The following FABP6 variants were observed in gnomAD, a reference collection of about 807,000 sequenced individuals.
FABP6 encodes the protein gastrotropin.
FABP6 carries 13 observed loss-of-function variants against 14.9 expected under a neutral mutation model. The ratio of observed to expected loss-of-function variants is 0.87; its 90% confidence interval spans 0.57 to 1.39. The LOEUF (loss-of-function observed/expected upper bound fraction) is 1.39. Ranked by LOEUF, FABP6 falls within the 40% of genes most tolerant of loss-of-function variation. The pLI, the probability that FABP6 is intolerant of heterozygous loss-of-function variation, is 0.00. For missense variants in FABP6, 161 were observed against 167.2 expected (o/e 0.96, Z 0.20); for synonymous variants, 75 against 63.6 (o/e 1.18, Z -0.85).
At chr5:160,191,082 T>G (rs1328743437) in intron 1 of FABP6, among the ~76,000 whole-genome samples, 14 of 104,520 alleles carry the variant, frequency 1.3e-4, no homozygotes, top group Non-Finnish European at 2.2e-4. Context: ...AGAGCAAGAC[T>G]CCATCTGGAA....
At position 160,231,978 on chromosome 5, in the gene FABP6, C is replaced by A. The variant is rs1316942440; in HGVS notation, c.68-120C>A. ...TCTCAGGCACTGTGCTCTTAACCTG[C>A]AGGCTAGCCTATCATGCACAAGGGG... On this transcript the variant is annotated intron_variant, in intron 1 of 3. Coordinates refer to ENST00000402432, the MANE Select transcript of FABP6 (RefSeq NM_001445.3). 2.6e-6 allele frequency: 3 copies of A among 1,163,804 alleles called. No homozygotes were observed. In the Admixed American group the frequency reaches 7.7e-5, roughly 30 times the overall value. 72.1% of individuals were successfully genotyped at this position (1,163,804 alleles called of 1,614,324 possible).
At chr5:160,228,228 C>T (rs1035670960), upstream of FABP6, among the ~76,000 whole-genome samples, 7 of 152,022 alleles carry the variant, frequency 4.6e-5, no homozygotes, top group East Asian at 1.9e-4. Context: ...CCCGTCTCTA[C>T]TAAAAATACA....
At chr5:160,207,734 T>G (rs1759798864) in intron 2 of FABP6, among the ~76,000 whole-genome samples, 1 of 151,744 alleles carries the variant, frequency 6.6e-6, no homozygotes, top group Admixed American at 6.6e-5. Flanking sequence ...TTTTTTTTTT[T>G]TTTTTTGAGA....
intron 2 of FABP6, among the ~76,000 whole-genome samples, chr5:160,211,674 C>T (rs2113103352): frequency 6.6e-6 from 1 of 152,280 alleles, no homozygotes; most frequent in African/African-American, 2.4e-5. Context: ...GTGCTATGTG[C>T]TATCTGGAGG....
intron 2 of FABP6, among the ~76,000 whole-genome samples, chr5:160,209,353 A>G (rs1385471336): frequency 6.6e-6 from 1 of 151,948 alleles, no homozygotes; most frequent in East Asian, 1.9e-4. Context: ...CTCTCTCCAC[A>G]AAAAAATAAA....
chr5:160,207,502 G>T (rs1759792590), intron 2 of FABP6, among the ~76,000 whole-genome samples: 1 of 152,016 alleles, frequency 6.6e-6, no homozygotes, highest in Non-Finnish European at 1.5e-5. Context: ...AAATTAGTTT[G>T]TATTTATTAT....
At chr5:160,208,738 G>A (rs899874762) in intron 2 of FABP6, among the ~76,000 whole-genome samples, 1 of 151,962 alleles carries the variant, frequency 6.6e-6, no homozygotes, top group Non-Finnish European at 1.5e-5. Flanking sequence ...GACAAACCTG[G>A]CCAACATAGG....
At chr5:160,205,982 T>C (rs1188733657) in intron 2 of FABP6, among the ~76,000 whole-genome samples, 3 of 152,224 alleles carry the variant, frequency 2.0e-5, no homozygotes, top group African/African-American at 7.2e-5. Context: ...TTCTTTCTTT[T>C]CTTTTTCTTT....
chr5:160,237,386 T>C (rs982716754), intron 3 of FABP6, among the ~76,000 whole-genome samples: 23 of 152,174 alleles, frequency 1.5e-4, no homozygotes, highest in South Asian at 2.1e-4. Context: ...TGTATGCACA[T>C]AGACCCAGGC....
At chr5:160,198,018 G>A (rs1232874595) in intron 1 of FABP6, 2 of 153,924 alleles carry the variant, frequency 1.3e-5, no homozygotes, top group Non-Finnish European at 2.9e-5. Context: ...GTGGGGGAAG[G>A]AGCTGGAGAG....
chr5:160,202,675 G>A (rs1399588727), intron 2 of FABP6, among the ~76,000 whole-genome samples: 17 of 151,938 alleles, frequency 1.1e-4, no homozygotes, highest in African/African-American at 4.1e-4. Flanking sequence ...GTGGTGTCAG[G>A]CGCCTGTAGT....
At chr5:160,203,873 G>T in intron 2 of FABP6, among the ~76,000 whole-genome samples, 1 of 151,812 alleles carries the variant, frequency 6.6e-6, no homozygotes, top group Non-Finnish European at 1.5e-5. Context: ...GGTTAATTTT[G>T]TATTTTTAGT....
Position 160,213,698 on chromosome 5 carries a change from C to T in FABP6, c.52-38C>T, listed in dbSNP as rs778429612. 2.5e-6 allele frequency: 4 copies of T among 1,586,340 alleles called. No individual in the cohort carries two copies. In the South Asian group the frequency reaches 4.4e-5, roughly 18 times the overall value. On this transcript the variant is annotated intron_variant, in intron 2 of 6. Transcript: ENST00000393980. ...TTGGACCAGAGATGCCCACTTGACT[C>T]AGGATAGGCCAATCAGATTATTTCT...
upstream of FABP6, chr5:160,228,697 G>A (rs1240935491): frequency 1.6e-5 from 6 of 373,136 alleles, no homozygotes; most frequent in Admixed American, 1.0e-4. Flanking sequence ...CTCCAGGTGC[G>A]CTGCCTAGGC....
chr5:160,224,786 CTT>C (rs1198458606), upstream of FABP6, among the ~76,000 whole-genome samples: 1 of 107,830 alleles, frequency 9.3e-6, no homozygotes, highest in Non-Finnish European at 1.9e-5. Flanking sequence ...CTTTTTTTTT[CTT>C]TTTTTTTTTG....
chr5:160,228,419 G>C, upstream of FABP6: 1 of 456,006 alleles, frequency 2.2e-6, no homozygotes, highest in Non-Finnish European at 4.4e-6. Context: ...TAATAATCAC[G>C]AGAGCCTTTG....
intron 1 of FABP6, among the ~76,000 whole-genome samples, chr5:160,188,706 T>TG (rs1188193457): frequency 2.0e-5 from 3 of 152,246 alleles, no homozygotes; most frequent in African/African-American, 7.2e-5. Flanking sequence ...AGCCACGTGC[T>TG]GGGTGGCCTT....
chr5:160,212,046 G>A (rs72643445), intron 2 of FABP6, among the ~76,000 whole-genome samples: 1 of 147,366 alleles, frequency 6.8e-6, no homozygotes, highest in Non-Finnish European at 1.5e-5. Context: ...GTAGTGCAAT[G>A]GTGTGATCTC....
At chr5:160,226,370 C>G (rs7714393), upstream of FABP6, among the ~76,000 whole-genome samples, 83,949 of 151,104 alleles carry the variant, frequency 0.56, 23,867 homozygotes, top group African/African-American at 0.7. Context: ...AGACCAGCCT[C>G]GCCAACATGG....
Sources: gnomAD v4.1 joint callset for allele counts (sites outside exome capture counted in the v4.1 genomes callset) on GRCh38, gnomAD v4.1.1 for gene constraint, MANE v1.5 for transcripts, NCBI Gene and HGNC (gene_info 2026-07-23, HGNC 2026-07-21) for gene names.